Variants in RORA observed in about 807,000 individuals in gnomAD.
RORA encodes the protein RAR related orphan receptor A.
RORA carries 7 observed loss-of-function variants against 69.5 expected under a neutral mutation model. The ratio of observed to expected loss-of-function variants is 0.10; its 90% CI spans 0.06 to 0.19. The LOEUF (loss-of-function observed/expected upper bound fraction) is 0.19, where lower values mean the gene tolerates loss of function less well. Ranked by LOEUF, RORA falls within the 10% of genes least tolerant of loss-of-function variation. The probability of loss-of-function intolerance (pLI) is 1.00; values close to 1 mark genes in which losing one functional copy is unlikely to be tolerated. For synonymous variants in RORA, 261 were observed against 240.8 expected, an observed-to-expected ratio of 1.08 and a Z score of -0.78; for missense variants, 457 against 663.0, an observed-to-expected ratio of 0.69 and a Z score of 3.41.
At chr15:61,086,997 T>C (rs1310131357) in intron 1 of RORA, among the ~76,000 whole-genome samples, 2 of 152,066 alleles carry the variant, frequency 1.3e-5, no homozygotes, top group African/African-American at 4.8e-5. Flanking sequence ...ACACAGCAAG[T>C]CCCATCTCTA....
chr15:60,865,717 T>C (rs1285957402), intron 1 of RORA, among the ~76,000 whole-genome samples: 1 of 152,194 alleles, frequency 6.6e-6, no homozygotes, highest in Non-Finnish European at 1.5e-5. Flanking sequence ...CAACCCTTCC[T>C]GGAAACAGCC....
chr15:60,599,917 G>C (rs1253519466), intron 2 of RORA, among the ~76,000 whole-genome samples: 1 of 152,168 alleles, frequency 6.6e-6, no homozygotes, highest in Non-Finnish European at 1.5e-5. Flanking sequence ...AACACATAGA[G>C]CAAAAGAGTT....
intron 1 of RORA, among the ~76,000 whole-genome samples, chr15:60,792,468 T>G (rs1265501448): frequency 6.6e-6 from 1 of 152,162 alleles, no homozygotes; most frequent in Non-Finnish European, 1.5e-5. Flanking sequence ...CCGCACATCC[T>G]AAGCAAGACA....
intron 3 of RORA, among the ~76,000 whole-genome samples, chr15:60,527,147 C>G (rs1595915355): frequency 6.6e-6 from 1 of 152,128 alleles, no homozygotes; most frequent in Middle Eastern, 3.2e-3. Context: ...TAATCAGAAA[C>G]CAATTCACTA....
intron 2 of RORA, among the ~76,000 whole-genome samples, chr15:60,642,168 C>T (rs1033243310): frequency 2.0e-5 from 3 of 151,688 alleles, no homozygotes; most frequent in Non-Finnish European, 2.9e-5. Flanking sequence ...CTGCTGGGGC[C>T]GTGCTTTAAG....
chr15:61,055,560 T>A (rs1387893053), intron 1 of RORA, among the ~76,000 whole-genome samples: 1 of 152,200 alleles, frequency 6.6e-6, no homozygotes, highest in Admixed American at 6.5e-5. Context: ...TCAGGTCCTG[T>A]GCCAGGCCAT....
In RORA at chr15:60,495,084, AAAAAC is replaced by A. The variant is rs1383173152; in HGVS notation, c.*2366_*2370del. 11 of 152,236 alleles carry A rather than the reference AAAAAC, an allele frequency of 7.2e-5. No individual in the cohort carries two copies. Among genetic ancestry groups the A allele is most frequent in the African/African-American group, 1.7e-4 (7 of 41,466 alleles). 9.4% of individuals were successfully genotyped at this position (152,236 alleles called of 1,614,324 possible). ...CAAATTTAGTGAATCTGAATGACAA[AAAAAC>A]AAAACAAAACCAAAACCAAAAAACT... On this transcript the variant is annotated 3_prime_UTR_variant, in exon 11 of 11. Transcript: ENST00000335670.
At chr15:60,508,035 T>C (rs2141299529) in intron 5 of RORA, among the ~76,000 whole-genome samples, 2 of 152,338 alleles carry the variant, frequency 1.3e-5, no homozygotes, top group Middle Eastern at 3.4e-3. Context: ...CAGCCTTTCA[T>C]TCCAATTCAT....
chr15:60,861,374 C>T (rs1342210471), intron 1 of RORA, among the ~76,000 whole-genome samples: 1 of 152,134 alleles, frequency 6.6e-6, no homozygotes, highest in African/African-American at 2.4e-5. Context: ...TTTCAAAGTG[C>T]TTTTATAAGT....
At chr15:60,594,101 CA>C (rs960106253) in intron 2 of RORA, among the ~76,000 whole-genome samples, 1 of 151,406 alleles carries the variant, frequency 6.6e-6, no homozygotes, top group Admixed American at 6.6e-5. Context: ...ATTTTTCCCC[CA>C]AAAAAAACTA....
intron 1 of RORA, among the ~76,000 whole-genome samples, chr15:61,028,377 G>A (rs1251889080): frequency 6.6e-6 from 1 of 152,166 alleles, no homozygotes; most frequent in African/African-American, 2.4e-5. Context: ...GTCTAGATAA[G>A]TAGACTGCCA....
chr15:60,508,334 T>A (rs1350728799), intron 5 of RORA, among the ~76,000 whole-genome samples: 1 of 152,176 alleles, frequency 6.6e-6, no homozygotes, highest in Non-Finnish European at 1.5e-5. Context: ...AGATGGGAAG[T>A]CCTCGCTTCT....
At chr15:61,228,473 C>T (rs1265100076) in intron 1 of RORA, among the ~76,000 whole-genome samples, 1 of 151,964 alleles carries the variant, frequency 6.6e-6, no homozygotes, top group Non-Finnish European at 1.5e-5. Flanking sequence ...ACGTCGCCCC[C>T]AGACCCCGGA....
At chr15:60,976,811 G>A (rs1172329071) in intron 1 of RORA, among the ~76,000 whole-genome samples, 1 of 152,132 alleles carries the variant, frequency 6.6e-6, no homozygotes, top group Non-Finnish European at 1.5e-5. Flanking sequence ...CAGTTCTTTT[G>A]GCTTAGGAGG....
chr15:60,895,352 A>C (rs2140461688), intron 1 of RORA, among the ~76,000 whole-genome samples: 1 of 152,356 alleles, frequency 6.6e-6, no homozygotes, highest in South Asian at 2.1e-4. Context: ...AATTAGAAAA[A>C]GAAGGAGCTG....
At chr15:60,745,635 C>A (rs1595679802) in intron 1 of RORA, among the ~76,000 whole-genome samples, 1 of 152,342 alleles carries the variant, frequency 6.6e-6, no homozygotes, top group East Asian at 1.9e-4. Context: ...ACTTTCCTGG[C>A]CGCCTCAACA....
intron 1 of RORA, among the ~76,000 whole-genome samples, chr15:60,973,488 G>A (rs1893786146): frequency 6.6e-6 from 1 of 152,226 alleles, no homozygotes; most frequent in African/African-American, 2.4e-5. Flanking sequence ...CCTTCGCCCA[G>A]TGCTCTGAAA....
At chr15:60,529,301 T>C (rs2066459154) in intron 3 of RORA, 1 of 152,096 alleles carries the variant, frequency 6.6e-6, no homozygotes, top group Admixed American at 6.6e-5. Context: ...AGAACCACCT[T>C]TACCTGGTTA....
At chr15:60,904,034 A>G (rs943291355) in intron 1 of RORA, among the ~76,000 whole-genome samples, 14 of 152,218 alleles carry the variant, frequency 9.2e-5, no homozygotes, top group African/African-American at 3.1e-4. Context: ...GCTCAGTGTC[A>G]GGAACAGCAT....
Sources: allele counts gnomAD v4.1 joint callset (sites outside exome capture counted in the v4.1 genomes callset), GRCh38; gene constraint gnomAD v4.1.1; transcripts MANE v1.5; gene names NCBI Gene and HGNC (gene_info 2026-07-23, HGNC 2026-07-21).